CSMD1: variants seen among roughly 807,000 people sequenced by gnomAD.
The protein encoded by CSMD1 is CUB and Sushi multiple domains 1, also known as CUB and sushi domain-containing protein 1.
A neutral mutation model predicts 417.5 loss-of-function variants in CSMD1; 213 were observed. The observed-to-expected ratio is 0.51, with a 90% CI of 0.46 to 0.57. The LOEUF is 0.57. Among genes scored for constraint, CSMD1 ranks in the 20% least tolerant of loss-of-function variants. The pLI, the probability that CSMD1 is intolerant of heterozygous loss-of-function variation, is 0.00. For missense variants in CSMD1, 6,923 were observed against 4,529.7 expected, an observed-to-expected ratio of 1.53 and a Z score of -15.17; for synonymous variants, 2,862 against 1,736.8, an observed-to-expected ratio of 1.65 and a Z score of -16.11.
chr8:4,829,286 A>G lies in CSMD1; in HGVS notation c.85+165046T>C, dbSNP rs557642507. Among the ~76,000 whole-genome samples, 10 of 152,310 alleles carry G rather than the reference A, an allele frequency of 6.6e-5. No individual in the cohort carries two copies. The East Asian group carries it at 1.9e-3, about 29-fold the overall frequency. ...AGTTAGAGTTTGACAATATTTAGTC[A>G]TAAGCTTTATCCCATCAAACCATTA... On this transcript the variant is annotated intron_variant, in intron 1 of 69. Coordinates refer to ENST00000635120, the MANE Select transcript of CSMD1 (RefSeq NM_033225.6).
At chr8:3,569,062 T>C (rs529676054) in intron 10 of CSMD1, among the ~76,000 whole-genome samples, 118 of 152,288 alleles carry the variant, frequency 7.7e-4, no homozygotes, top group African/African-American at 2.8e-3. Context: ...TATTTATACA[T>C]ATCATATAAT....
At chr8:3,447,955 G>A (rs1815406003) in intron 12 of CSMD1, among the ~76,000 whole-genome samples, 1 of 152,114 alleles carries the variant, frequency 6.6e-6, no homozygotes, top group South Asian at 2.1e-4. Context: ...CCCCACATGG[G>A]ACAGAGCCTC....
At chr8:3,522,277 G>C (rs1456731636) in intron 10 of CSMD1, among the ~76,000 whole-genome samples, 2 of 152,114 alleles carry the variant, frequency 1.3e-5, no homozygotes, top group African/African-American at 4.8e-5. Flanking sequence ...TTAAGCAACA[G>C]CTTTTTATTG....
intron 2 of CSMD1, among the ~76,000 whole-genome samples, chr8:4,492,484 A>G (rs1441291511): frequency 6.6e-6 from 1 of 152,228 alleles, no homozygotes; most frequent in Non-Finnish European, 1.5e-5. Context: ...TCCTCAGTAT[A>G]TATAAAGTTG....
intron 3 of CSMD1, among the ~76,000 whole-genome samples, chr8:4,360,138 G>T (rs1420605243): frequency 6.6e-6 from 1 of 152,120 alleles, no homozygotes; most frequent in African/African-American, 2.4e-5. Context: ...TGGCTGTGAG[G>T]ATGATCTGAG....
intron 12 of CSMD1, among the ~76,000 whole-genome samples, chr8:3,412,735 T>C (rs1247016531): frequency 2.0e-5 from 3 of 152,210 alleles, no homozygotes; most frequent in African/African-American, 2.4e-5. Context: ...AATACATCTA[T>C]AGAGAACACC....
chr8:3,195,259 G>C (rs1563131963), intron 33 of CSMD1, among the ~76,000 whole-genome samples: 3 of 152,290 alleles, frequency 2.0e-5, no homozygotes, highest in East Asian at 1.9e-4. Flanking sequence ...GGAGAAGACA[G>C]GGCAGGGTGG....
intron 5 of CSMD1, among the ~76,000 whole-genome samples, chr8:3,896,000 G>C (rs1807334852): frequency 6.6e-6 from 1 of 152,178 alleles, no homozygotes; most frequent in South Asian, 2.1e-4. Flanking sequence ...AAATCATTCA[G>C]TGCAGTGTGG....
At chr8:3,737,799 T>C (rs1159827010) in intron 6 of CSMD1, among the ~76,000 whole-genome samples, 1 of 152,144 alleles carries the variant, frequency 6.6e-6, no homozygotes, top group African/African-American at 2.4e-5. Flanking sequence ...AGGAGACAAA[T>C]AAAAATAGCC....
chr8:4,281,744 C>T (rs944408763), intron 3 of CSMD1, among the ~76,000 whole-genome samples: 3 of 152,114 alleles, frequency 2.0e-5, no homozygotes, highest in Admixed American at 2.0e-4. Flanking sequence ...TGTAATGTCT[C>T]TACTTGTTTT....
intron 3 of CSMD1, 108 bp downstream of exon 3, chr8:4,419,845 G>T (rs763748445): frequency 2.7e-6 from 2 of 749,688 alleles, no homozygotes; most frequent in South Asian, 1.6e-5. Context: ...TCTACACCAC[G>T]GAACGACCTG....
At chr8:3,522,271 G>C (rs1797540313) in intron 10 of CSMD1, among the ~76,000 whole-genome samples, 3 of 152,002 alleles carry the variant, frequency 2.0e-5, no homozygotes, top group Admixed American at 6.6e-5. Flanking sequence ...TTTCCATTAA[G>C]CAACAGCTTT....
At chr8:3,608,746 A>T (rs1372460069) in intron 8 of CSMD1, among the ~76,000 whole-genome samples, 1 of 139,824 alleles carries the variant, frequency 7.2e-6, no homozygotes, top group African/African-American at 2.7e-5. Context: ...CCTGGACAAC[A>T]GAGTGAGACT....
intron 4 of CSMD1, among the ~76,000 whole-genome samples, chr8:4,001,610 C>T (rs761909112): frequency 1.8e-4 from 28 of 152,140 alleles, no homozygotes; most frequent in Admixed American, 1.6e-3. Context: ...CAATGTTATG[C>T]CCCTGTCTAA....
intron 3 of CSMD1, among the ~76,000 whole-genome samples, chr8:4,309,613 T>TCC: frequency 6.6e-6 from 1 of 151,312 alleles, no homozygotes; most frequent in Non-Finnish European, 1.5e-5. Flanking sequence ...CCCATTTTAG[T>TCC]ACAACTCCCT....
chr8:3,155,798 G>A (rs573229408), intron 39 of CSMD1, among the ~76,000 whole-genome samples: 7 of 152,124 alleles, frequency 4.6e-5, no homozygotes, highest in Non-Finnish European at 8.8e-5. Flanking sequence ...TTTTTCACTT[G>A]TAAGCAACTA....
chr8:3,788,225 G>A (rs2623669), intron 5 of CSMD1, among the ~76,000 whole-genome samples: 2 of 152,032 alleles, frequency 1.3e-5, no homozygotes, highest in Non-Finnish European at 2.9e-5. Context: ...GGATTTAACA[G>A]GCATAGACCT....
chr8:4,891,868 A>G (rs1244661807), intron 1 of CSMD1, among the ~76,000 whole-genome samples: 1 of 152,124 alleles, frequency 6.6e-6, no homozygotes, highest in Non-Finnish European at 1.5e-5. Flanking sequence ...ATTGATTGTA[A>G]AAGTTGACAT....
In CSMD1 at chr8:2,949,371, C is replaced by A; in HGVS notation, c.10330G>T (p.Glu3444Ter). ...CCTTGAAAAGTAAATCCTCCTCTTT[C>A]AAGTCCAGATGACACCTGACACATA... ...GLDGYVSSGL[E>*]RGGFTFQGDI... is the part of the protein sequence containing the mutation. Residue 3444 changes from glutamate (E) to a stop codon, truncating the protein, a stop_gained, in exon 68 of 70, where the codon GAA (glutamate) becomes TAA (stop). Coordinates refer to ENST00000635120, the MANE Select transcript of CSMD1 (RefSeq NM_033225.6). LOFTEE classifies it high-confidence loss of function. The A allele has an allele frequency of 6.3e-7, 1 of 1,598,590 alleles. No individual in the cohort carries two copies. Among genetic ancestry groups the A allele is most frequent in the South Asian group, 1.1e-5 (1 of 89,980 alleles).
Sources: gnomAD v4.1 joint callset for allele counts (sites outside exome capture counted in the v4.1 genomes callset) on GRCh38, gnomAD v4.1.1 for gene constraint, MANE v1.5 for transcripts, NCBI Gene and HGNC (gene_info 2026-07-23, HGNC 2026-07-21) for gene names.